Variants in PTPN14 observed in about 807,000 individuals in gnomAD.
PTPN14 encodes the protein protein tyrosine phosphatase non-receptor type 14, also known as tyrosine-protein phosphatase non-receptor type 14.
Under a neutral mutation model 126.8 loss-of-function variants are expected in PTPN14, and 53 were observed. The observed-to-expected ratio is 0.42, with a 90% CI of 0.34 to 0.53. PTPN14 has a LOEUF of 0.53. Among genes scored for constraint, PTPN14 ranks in the 20% least tolerant of loss-of-function variants. PTPN14 has a pLI of 0.08. For missense variants in PTPN14, 1,257 were observed against 1,552.9 expected (o/e 0.81, Z 3.20); for synonymous variants, 630 against 599.3 (o/e 1.05, Z -0.75).
Position 214,384,725 on chromosome 1 carries a change from T to C in PTPN14, c.1130A>G (p.Asn377Ser). 3.1e-6 allele frequency: 5 copies of C among 1,614,110 alleles called. No individual in the cohort carries two copies. Among genetic ancestry groups the C allele is most frequent in the Non-Finnish European group, 4.2e-6 (5 of 1,180,020 alleles). Reference protein sequence around the residue: ...YCNSHNSLDLNYLNGTVTNGS... With the variant: ...YCNSHNSLDLSYLNGTVTNGS... ...ATTGGTGACAGTGCCATTTAAATAA[T>C]TTAAGTCCAGGCTGTTGTGAGAGTT... Residue 377 changes from asparagine (N) to serine (S), a missense_variant, in exon 13 of 19, where the codon AAT becomes AGT. By Grantham distance (46) the Asn-to-Ser change is conservative. Coordinates refer to ENST00000366956, the MANE Select transcript of PTPN14 (RefSeq NM_005401.5). This position sits in a 1 kb window ranked among gnomAD's most constrained non-coding sequence, Gnocchi z 5.3.
intron 7 of PTPN14, among the ~76,000 whole-genome samples, chr1:214,400,600 T>C (rs1220899436): frequency 6.6e-6 from 1 of 152,132 alleles, no homozygotes; most frequent in Non-Finnish European, 1.5e-5. Flanking sequence ...CTTCCAGAGA[T>C]TGAGAAGTCA....
intron 2 of PTPN14, among the ~76,000 whole-genome samples, chr1:214,452,927 G>A (rs1399490713): frequency 6.6e-6 from 1 of 152,094 alleles, no homozygotes; most frequent in Middle Eastern, 3.2e-3. Context: ...AATTTCCAAA[G>A]GCATTCTTAT....
chr1:214,535,778 CAA>C (rs10689118), intron 1 of PTPN14, among the ~76,000 whole-genome samples: 15 of 130,358 alleles, frequency 1.2e-4, no homozygotes, highest in Admixed American at 1.6e-4. Context: ...GACTCCATCT[CAA>C]AAAAAAAAAA....
At chr1:214,542,968 T>C (rs750333519) in intron 1 of PTPN14, among the ~76,000 whole-genome samples, 3 of 152,040 alleles carry the variant, frequency 2.0e-5, no homozygotes, top group Non-Finnish European at 2.9e-5. Flanking sequence ...AGCTTGTGAT[T>C]TGGGGGGGAA....
At chr1:214,467,266 A>T (rs997672314) in intron 1 of PTPN14, among the ~76,000 whole-genome samples, 10 of 151,992 alleles carry the variant, frequency 6.6e-5, no homozygotes, top group Non-Finnish European at 1.2e-4. Context: ...CCCTCAACTT[A>T]TTAAAGCACA....
intron 1 of PTPN14, among the ~76,000 whole-genome samples, chr1:214,534,436 G>A (rs151240861): frequency 0.016 from 2,369 of 152,224 alleles, 61 homozygotes; most frequent in African/African-American, 0.052. Flanking sequence ...GTTATTGGCC[G>A]GGCGCGGTGG....
rs1370668127 is a variant in PTPN14, at chr1:214,353,219, G to A, written c.*4703C>T. ...AATACCAGAATCCATGGATGTTCAA[G>A]TCTTTTATATAAAATAGCACAGTAT... On this transcript the variant is annotated 3_prime_UTR_variant, in exon 19 of 19. Transcript: ENST00000366956. 1 of 152,176 alleles carries A rather than the reference G, an allele frequency of 6.6e-6. No homozygotes were observed. The allele number at this position is 152,176 out of a possible 1,614,324, so 9.4% of individuals were successfully genotyped here. A position where few individuals can be genotyped will look rare whatever the true frequency, so the allele number is the denominator to read the frequency against.
At chr1:214,449,450 T>C (rs541462257) in intron 3 of PTPN14, among the ~76,000 whole-genome samples, 1 of 152,340 alleles carries the variant, frequency 6.6e-6, no homozygotes, top group South Asian at 2.1e-4. Flanking sequence ...TTCATTTTTC[T>C]TACAGACAGA....
chr1:214,460,194 C>T (rs1287294339), intron 2 of PTPN14, among the ~76,000 whole-genome samples: 1 of 152,070 alleles, frequency 6.6e-6, no homozygotes, highest in Non-Finnish European at 1.5e-5. Flanking sequence ...GTTATGAGAA[C>T]TACATGAGCT....
intron 1 of PTPN14, among the ~76,000 whole-genome samples, chr1:214,523,447 TAC>T (rs1317898461): frequency 2.0e-5 from 3 of 152,200 alleles, no homozygotes; most frequent in Non-Finnish European, 4.4e-5. Flanking sequence ...TACAACTGTC[TAC>T]AGTATTCAGT....
At chr1:214,377,889 C>T (rs543266964) in intron 14 of PTPN14, 70 bp downstream of exon 14, 37 of 1,523,376 alleles carry the variant, frequency 2.4e-5, no homozygotes, top group South Asian at 1.6e-4. Flanking sequence ...CTGGCATATT[C>T]GGGCAAGGAG....
At chr1:214,456,785 A>C (rs1469376042) in intron 2 of PTPN14, among the ~76,000 whole-genome samples, 1 of 152,194 alleles carries the variant, frequency 6.6e-6, no homozygotes, top group Non-Finnish European at 1.5e-5. Flanking sequence ...ATTACATTCT[A>C]GGATTGACAT....
chr1:214,487,964 T>C lies in PTPN14; in HGVS notation c.-154-23007A>G, dbSNP rs563872539. On this transcript the variant is annotated intron_variant, in intron 1 of 18. Transcript: ENST00000366956. ...TGACATTCCTCCAACATTGCAGTCA[T>C]GTTAGCAAGAGCAGACAGATGCAGT... Among the ~76,000 whole-genome samples the C allele has an allele frequency of 2.3e-4, 35 of 152,308 alleles. No homozygotes were observed. The South Asian group carries it at 6.8e-3, about 30-fold the overall frequency.
At chr1:214,399,220 T>C (rs764211738) in intron 7 of PTPN14, among the ~76,000 whole-genome samples, 3 of 152,228 alleles carry the variant, frequency 2.0e-5, no homozygotes, top group Non-Finnish European at 4.4e-5. Flanking sequence ...GAATAAATCA[T>C]AGACAACATC....
intron 1 of PTPN14, among the ~76,000 whole-genome samples, chr1:214,541,025 C>T (rs932092074): frequency 3.3e-5 from 5 of 151,890 alleles, no homozygotes; most frequent in East Asian, 1.9e-4. Flanking sequence ...ATGCCATAAA[C>T]CCAAGTATAA....
At chr1:214,445,761 G>A (rs921503156) in intron 3 of PTPN14, among the ~76,000 whole-genome samples, 4 of 152,156 alleles carry the variant, frequency 2.6e-5, no homozygotes, top group African/African-American at 7.2e-5. Flanking sequence ...ATCTTGGCCA[G>A]CAATTTTCTG....
intron 5 of PTPN14, among the ~76,000 whole-genome samples, chr1:214,403,894 C>A (rs1422926931): frequency 2.0e-5 from 3 of 152,168 alleles, no homozygotes; most frequent in Admixed American, 6.5e-5. Context: ...CTAGTAAGCA[C>A]CAAGAGGGTC....
Position 214,549,468 on chromosome 1 carries a change from T to C in PTPN14, c.-155+1715A>G, listed in dbSNP as rs150488298. 6.7e-3 allele frequency among the ~76,000 whole-genome samples: 1,020 copies of C among 152,274 alleles called. 5 individuals are homozygous for C. The highest frequency in any genetic ancestry group is 0.01 in the Non-Finnish European group (693 of 68,020). On this transcript the variant is annotated intron_variant, in intron 1 of 18. Transcript: ENST00000366956. ...ACTTAGTGACATACAGATGAACGAA[T>C]TTTGCACCTCATGGCCACCCATTCA... is the stretch of plus-strand genomic sequence containing the variant.
chr1:214,465,042 CCCCCCCCCA>C (rs796896193), intron 1 of PTPN14, 85 bp from the exon 2 acceptor site: 630 of 6,108 alleles, frequency 0.1, 19 homozygotes, highest in African/African-American at 0.44. Context: ...GAAGCCCCCC[CCCCCCCCCA>C]CCCCGCCAAA....
Sources: allele counts gnomAD v4.1 joint callset (sites outside exome capture counted in the v4.1 genomes callset), GRCh38; gene constraint gnomAD v4.1.1; non-coding constraint Gnocchi (gnomAD v3.1); transcripts MANE v1.5; gene names NCBI Gene and HGNC (gene_info 2026-07-23, HGNC 2026-07-21).